GTF2H5: variants seen among roughly 807,000 people sequenced by gnomAD.
GTF2H5 encodes the protein TFB5 ortholog.
Under a neutral mutation model 7.1 loss-of-function variants are expected in GTF2H5, and 5 were observed. The ratio of observed to expected loss-of-function variants is 0.71; its 90% confidence interval spans 0.37 to 1.49. GTF2H5 has a LOEUF of 1.49. Among genes scored for constraint, GTF2H5 ranks in the 40% most tolerant of loss-of-function variants. GTF2H5 has a pLI of 0.03. For synonymous variants in GTF2H5, 30 were observed against 31.7 expected (o/e 0.95, Z 0.18); for missense variants, 80 against 83.0 (o/e 0.96, Z 0.14).
At chr6:158,183,400 C>T (rs1196916452) in intron 2 of GTF2H5, among the ~76,000 whole-genome samples, 2 of 152,196 alleles carry the variant, frequency 1.3e-5, no homozygotes, top group Non-Finnish European at 2.9e-5. Flanking sequence ...CTGGGAGAAC[C>T]ACTGCTCTCT....
chr6:158,168,680 A>G (rs951090004), intron 1 of GTF2H5, among the ~76,000 whole-genome samples: 1 of 152,240 alleles, frequency 6.6e-6, no homozygotes, highest in Non-Finnish European at 1.5e-5. Context: ...TTTCCAGCCT[A>G]GGTCCGCACG....
chr6:158,169,409 TTA>T (rs1268730289), intron 1 of GTF2H5, among the ~76,000 whole-genome samples: 1 of 76,046 alleles, frequency 1.3e-5, no homozygotes, highest in African/African-American at 5.4e-5. Context: ...ATATTGTATA[TTA>T]TATATTATAT....
intron 1 of GTF2H5, among the ~76,000 whole-genome samples, chr6:158,168,623 C>G (rs62437115): frequency 0.39 from 59,602 of 152,154 alleles, 11,850 homozygotes; most frequent in Middle Eastern, 0.49. Flanking sequence ...GCCCTGCGCC[C>G]AGGTGTAAGT....
Position 158,183,587 on chromosome 6 carries a change from G to A in GTF2H5, c.36-8390G>A, listed in dbSNP as rs989685763. Among the ~76,000 whole-genome samples, 4 of 152,130 alleles carry A rather than the reference G, an allele frequency of 2.6e-5. No homozygotes were observed. The South Asian group carries it at 6.2e-4, about 24-fold the overall frequency. On this transcript the variant is annotated intron_variant, in intron 2 of 2. Coordinates refer to ENST00000607778, the MANE Select transcript of GTF2H5 (RefSeq NM_207118.3). ...TTGTTTACACTGTGAGCATGGAACC[G>A]CCTACTCAAGCCTCAGCAATGGCGG...
At chr6:158,178,802 T>G (rs1484132140) in intron 2 of GTF2H5, among the ~76,000 whole-genome samples, 1 of 152,246 alleles carries the variant, frequency 6.6e-6, no homozygotes, top group Non-Finnish European at 1.5e-5. Context: ...GTAGGTTGCC[T>G]GTTCACTCTG....
rs1777120385 is a variant in GTF2H5 at position 158,196,806 on chromosome 6, G to A, written c.*4649G>A. 6.6e-6 allele frequency: 1 copy of A among 152,212 alleles called. No individual in the cohort carries two copies. The allele number at this position is 152,212 out of a possible 1,614,324, so 9.4% of individuals were successfully genotyped here. Reference sequence around the variant, plus strand: ...TAAGAAAGGACAAGACAATGTTGAAGATGAAACCTACAGCAGCAGACCATG... The same window carrying A: ...TAAGAAAGGACAAGACAATGTTGAAAATGAAACCTACAGCAGCAGACCATG... On this transcript the variant is annotated 3_prime_UTR_variant, in exon 3 of 3. Coordinates refer to ENST00000607778, the MANE Select transcript of GTF2H5 (RefSeq NM_207118.3).
At chr6:158,182,811 TG>T (rs754288846) in intron 2 of GTF2H5, among the ~76,000 whole-genome samples, 1 of 152,086 alleles carries the variant, frequency 6.6e-6, no homozygotes, top group African/African-American at 2.4e-5. Flanking sequence ...TTCCTTGCGA[TG>T]GGTAGAACAT....
At chr6:158,188,503 C>A (rs1776965326) in intron 2 of GTF2H5, among the ~76,000 whole-genome samples, 1 of 152,216 alleles carries the variant, frequency 6.6e-6, no homozygotes, top group Non-Finnish European at 1.5e-5. Context: ...CACGTTCCTT[C>A]TAGAATTGCT....
intron 2 of GTF2H5, among the ~76,000 whole-genome samples, chr6:158,185,938 G>A (rs559736389): frequency 2.2e-4 from 33 of 152,152 alleles, no homozygotes; most frequent in Non-Finnish European, 2.4e-4. Flanking sequence ...AGGCTGCAGT[G>A]AGCCGTGATG....
At chr6:158,189,326 A>G (rs1480284216) in intron 2 of GTF2H5, among the ~76,000 whole-genome samples, 1 of 152,198 alleles carries the variant, frequency 6.6e-6, no homozygotes, top group East Asian at 1.9e-4. Context: ...AATCATCTAC[A>G]GACACCCCAA....
rs1777092514 is a variant in GTF2H5 at position 158,195,332 on chromosome 6, T to C, written c.*3175T>C. On this transcript the variant is annotated 3_prime_UTR_variant, in exon 3 of 3. Coordinates refer to ENST00000607778, the MANE Select transcript of GTF2H5 (RefSeq NM_207118.3). ...TGGACTGAAGTTGTGATATTGAGTG[T>C]TATATTTCTCAATAAAGGTTTTTTC... is the stretch of plus-strand genomic sequence containing the variant. 1 of 152,182 alleles carries C rather than the reference T, an allele frequency of 6.6e-6. No individual in the cohort carries two copies. Among genetic ancestry groups the C allele is most frequent in the Non-Finnish European group, 1.5e-5 (1 of 68,046 alleles). 9.4% of individuals were successfully genotyped at this position (152,182 alleles called of 1,614,324 possible).
intron 2 of GTF2H5, among the ~76,000 whole-genome samples, chr6:158,183,758 A>G (rs188462288): frequency 3.3e-5 from 5 of 152,232 alleles, no homozygotes; most frequent in African/African-American, 9.6e-5. Flanking sequence ...ACAGTGGGAA[A>G]AGTGCAGCAT....
chr6:158,197,786 C>A lies in GTF2H5; in HGVS notation c.*5629C>A, dbSNP rs1266437096. On this transcript the variant is annotated 3_prime_UTR_variant, in exon 3 of 3. Coordinates refer to ENST00000607778, the MANE Select transcript of GTF2H5 (RefSeq NM_207118.3). ...CTATCAAAAATCATTAGGTATCCAT[C>A]TCCCAGTCCTGATTTGGCTCCTTCT... The A allele has an allele frequency of 1.3e-5, 2 of 152,112 alleles. No homozygotes were observed. The highest frequency in any genetic ancestry group is 2.9e-5 in the Non-Finnish European group (2 of 68,024). 9.4% of individuals were successfully genotyped at this position (152,112 alleles called of 1,614,324 possible).
At chr6:158,181,598 T>C (rs939754462) in intron 2 of GTF2H5, among the ~76,000 whole-genome samples, 10 of 152,202 alleles carry the variant, frequency 6.6e-5, no homozygotes, top group Admixed American at 5.9e-4. Flanking sequence ...GCTCTTCTTG[T>C]TGAATTGATC....
chr6:158,171,718 A>T (rs556711856), intron 2 of GTF2H5, among the ~76,000 whole-genome samples: 1 of 152,356 alleles, frequency 6.6e-6, no homozygotes, highest in East Asian at 1.9e-4. Context: ...TACTGTGATC[A>T]TGAGCAATCT....
intron 2 of GTF2H5, among the ~76,000 whole-genome samples, chr6:158,172,021 A>G (rs1259704858): frequency 1.3e-5 from 2 of 149,048 alleles, no homozygotes; most frequent in East Asian, 2.0e-4. Context: ...AATACAGAGG[A>G]TACACATACA....
chr6:158,169,536 T>TAC lies in GTF2H5; in HGVS notation c.-34-933_-34-932insCA, dbSNP rs1491589390. On this transcript the variant is annotated intron_variant, in intron 1 of 2. Transcript: ENST00000607778. ...ATATTATATATAATATACAGTATATTATATATAATATACTGTATATTATAT... is the reference window on the plus strand; with the variant it reads ...ATATTATATATAATATACAGTATATTACATATATAATATACTGTATATTATAT... Among the ~76,000 whole-genome samples the TAC allele has an allele frequency of 9.7e-3, 840 of 86,912 alleles. 76 individuals are homozygous for TAC. Among genetic ancestry groups the TAC allele is most frequent in the East Asian group, 0.024 (72 of 2,964 alleles). The allele number at this position is 86,912 out of a possible 152,430, so 57.0% of individuals were successfully genotyped here.
intron 2 of GTF2H5, among the ~76,000 whole-genome samples, chr6:158,191,717 G>T (rs1030218756): frequency 1.3e-5 from 2 of 152,076 alleles, no homozygotes; most frequent in African/African-American, 4.8e-5. Flanking sequence ...CTCCTGACCT[G>T]GTGATCCACC....
intron 2 of GTF2H5, among the ~76,000 whole-genome samples, chr6:158,175,036 G>GTATA (rs1161216101): frequency 6.8e-6 from 1 of 146,352 alleles, no homozygotes; most frequent in African/African-American, 2.6e-5. Context: ...GTGTGTGTGT[G>GTATA]TGTGTGTGTA....
Sources: gnomAD v4.1 joint callset for allele counts (sites outside exome capture counted in the v4.1 genomes callset) on GRCh38, gnomAD v4.1.1 for gene constraint, MANE v1.5 for transcripts, NCBI Gene and HGNC (gene_info 2026-07-23, HGNC 2026-07-21) for gene names.